ELL: variants seen among roughly 807,000 people sequenced by gnomAD.
ELL encodes the protein elongation factor for RNA polymerase II.
In ELL, 18 loss-of-function variants were observed where a neutral mutation model predicts 64.0. The ratio of observed to expected loss-of-function variants is 0.28; its 90% CI spans 0.19 to 0.42. The LOEUF is 0.42. ELL is among the 10% of genes least tolerant of loss of function. The pLI, the probability that ELL is intolerant of heterozygous loss-of-function variation, is 1.00. For synonymous variants in ELL, 399 were observed against 376.2 expected (o/e 1.06, Z -0.70); for missense variants, 797 against 870.4 (o/e 0.92, Z 1.06).
intron 6 of ELL, among the ~76,000 whole-genome samples, chr19:18,453,167 G>A (rs1480101567): frequency 1.3e-5 from 2 of 152,322 alleles, no homozygotes; most frequent in Non-Finnish European, 1.5e-5. Flanking sequence ...TCAATTACTT[G>A]GGAGGCTGAA....
chr19:18,445,418 C>T (rs908038475), intron 10 of ELL, 150 bp from the exon 11 acceptor site: 10 of 803,316 alleles, frequency 1.2e-5, no homozygotes, highest in African/African-American at 3.4e-5. Flanking sequence ...GGGCCCACAG[C>T]GGCTGTAGCT....
chr19:18,458,005 C>G (rs1974718693), intron 6 of ELL, among the ~76,000 whole-genome samples, 200 bp downstream of exon 6: 1 of 152,160 alleles, frequency 6.6e-6, no homozygotes, highest in Non-Finnish European at 1.5e-5. Context: ...GTGAGCGTGG[C>G]CTTCCCCCAC....
At chr19:18,500,424 A>G (rs1036025211) in intron 1 of ELL, among the ~76,000 whole-genome samples, 13 of 152,082 alleles carry the variant, frequency 8.5e-5, no homozygotes, top group Non-Finnish European at 1.9e-4. Context: ...CACTTCTCCT[A>G]CCACCTTCAC....
intron 1 of ELL, among the ~76,000 whole-genome samples, chr19:18,509,140 G>A (rs919617783): frequency 6.6e-6 from 1 of 152,034 alleles, no homozygotes; most frequent in Non-Finnish European, 1.5e-5. Context: ...GAGTAGCCGT[G>A]AGCAGGAGGC....
chr19:18,461,591 C>T lies in ELL; in HGVS notation c.731G>A (p.Gly244Asp), dbSNP rs1178508655. The T allele has an allele frequency of 1.2e-6, 2 of 1,600,476 alleles. No homozygotes were observed. Among genetic ancestry groups the T allele is most frequent in the Non-Finnish European group, 1.7e-6 (2 of 1,177,336 alleles). ...LTQADKDALD[G>D]LLQQVANMSA... Reference sequence around the variant, plus strand: ...GGCGGCACCCACCTGCTGGAGGAGGCCATCCAGCGCGTCCTTGTCCGCCTG... The same window carrying T: ...GGCGGCACCCACCTGCTGGAGGAGGTCATCCAGCGCGTCCTTGTCCGCCTG... The change falls in exon 5 of 12, where the codon GGC becomes GAC. Residue 244 changes from glycine (G) to aspartate (D), a missense_variant. By Grantham distance (94) the Gly-to-Asp change is moderately conservative. Transcript: ENST00000262809.
At chr19:18,505,948 T>C (rs1975877367) in intron 1 of ELL, among the ~76,000 whole-genome samples, 1 of 152,154 alleles carries the variant, frequency 6.6e-6, no homozygotes, top group African/African-American at 2.4e-5. Flanking sequence ...TGTGTCCTGC[T>C]CTGTACTACA....
chr19:18,451,546 A>C lies in ELL; in HGVS notation c.966+6T>G, dbSNP rs1974537057. On this transcript the variant is annotated splice_donor_region_variant and intron_variant, in intron 7 of 11. Transcript: ENST00000262809. ...GGGACAGTCACCCCAGGCATGCCTC[A>C]CTTACCTGTGGGGGCGAGGCCGAGC... 4 of 1,479,964 alleles carry C rather than the reference A, an allele frequency of 2.7e-6. No homozygotes were observed. Among genetic ancestry groups the C allele is most frequent in the East Asian group, 2.7e-5 (1 of 36,504 alleles). The allele number at this position is 1,479,964 out of a possible 1,614,324, so 91.7% of individuals were successfully genotyped here.
chr19:18,460,626 GCA>G (rs1974787569), intron 5 of ELL, among the ~76,000 whole-genome samples: 1 of 152,234 alleles, frequency 6.6e-6, no homozygotes, highest in Admixed American at 6.5e-5. Context: ...CACCAGCCGC[GCA>G]CCCGAGAGGG....
chr19:18,488,055 G>A (rs992513114), intron 1 of ELL, among the ~76,000 whole-genome samples: 4 of 152,204 alleles, frequency 2.6e-5, no homozygotes, highest in Non-Finnish European at 5.9e-5. Context: ...CCTCAGCAGT[G>A]TGGTATGGTG....
rs767937201 is a variant in ELL, at chr19:18,444,837, C to T, written c.1781G>A (p.Arg594His). The change falls in exon 12 of 12, where the codon CGC (arginine) becomes CAC (histidine). Residue 594 changes from arginine to histidine, a missense_variant. Arg to His is a conservative substitution (Grantham distance 29). Coordinates refer to ENST00000262809, the MANE Select transcript of ELL (RefSeq NM_006532.4). ...TNTNYSQEKHRCEYLHSKLAH... is the reference protein window; with the variant it reads ...TNTNYSQEKHHCEYLHSKLAH... Reference sequence around the variant, plus strand: ...CAGCTTGCTGTGCAGGTACTCGCAGCGGTGCTTCTCCTGGCTGTAGTTGGT... The same window carrying T: ...CAGCTTGCTGTGCAGGTACTCGCAGTGGTGCTTCTCCTGGCTGTAGTTGGT... The T allele has an allele frequency of 1.2e-6, 2 of 1,612,108 alleles. No homozygotes were observed. Among genetic ancestry groups the T allele is most frequent in the East Asian group, 2.2e-5 (1 of 44,884 alleles).
intron 3 of ELL, 94 bp from the exon 4 acceptor site, chr19:18,465,669 G>A: frequency 1.3e-6 from 2 of 1,484,302 alleles, no homozygotes; most frequent in Non-Finnish European, 1.8e-6. Context: ...ACCTGGCCTG[G>A]AAAATGGACT....
At chr19:18,505,642 T>C (rs1343054402) in intron 1 of ELL, among the ~76,000 whole-genome samples, 1 of 152,142 alleles carries the variant, frequency 6.6e-6, no homozygotes, top group African/African-American at 2.4e-5. Flanking sequence ...AGTGTGTGAC[T>C]GGCGCCTTGC....
At chr19:18,454,895 A>T (rs1258979419) in intron 6 of ELL, among the ~76,000 whole-genome samples, 2 of 149,116 alleles carry the variant, frequency 1.3e-5, no homozygotes, top group African/African-American at 2.5e-5. Context: ...ACACCTGTAA[A>T]CCCAGCACTT....
chr19:18,466,209 C>T (rs966833755), intron 2 of ELL, among the ~76,000 whole-genome samples: 1 of 152,154 alleles, frequency 6.6e-6, no homozygotes. Context: ...AGCACCTGCC[C>T]AGATGCAGGG....
intron 1 of ELL, among the ~76,000 whole-genome samples, chr19:18,513,728 G>T (rs1976074819): frequency 6.6e-6 from 1 of 152,090 alleles, no homozygotes; most frequent in Non-Finnish European, 1.5e-5. Context: ...TCAGGAGATG[G>T]AGACCATCCT....
intron 1 of ELL, among the ~76,000 whole-genome samples, chr19:18,495,558 G>GGT (rs1468256415): frequency 6.6e-6 from 1 of 152,164 alleles, no homozygotes; most frequent in African/African-American, 2.4e-5. Context: ...CCCGCATGAG[G>GGT]GTGCCCAGCT....
At chr19:18,462,636 C>T (rs1047193096) in intron 4 of ELL, among the ~76,000 whole-genome samples, 3 of 152,070 alleles carry the variant, frequency 2.0e-5, no homozygotes, top group Non-Finnish European at 4.4e-5. Flanking sequence ...CCCACCTCAG[C>T]TTTCCAAAGT....
intron 6 of ELL, among the ~76,000 whole-genome samples, chr19:18,452,615 G>A (rs1974563536): frequency 2.6e-5 from 4 of 152,204 alleles, no homozygotes; most frequent in South Asian, 2.1e-4. Context: ...CGACCTCAGG[G>A]GACAACAGAC....
chr19:18,498,957 C>A (rs1279563751), intron 1 of ELL, among the ~76,000 whole-genome samples: 1 of 78,682 alleles, frequency 1.3e-5, no homozygotes, highest in African/African-American at 9.3e-5. Flanking sequence ...CTCCAAAAAA[C>A]AACAACAACA....
Sources: allele counts gnomAD v4.1 joint callset (sites outside exome capture counted in the v4.1 genomes callset), GRCh38; gene constraint gnomAD v4.1.1; transcripts MANE v1.5; gene names NCBI Gene and HGNC (gene_info 2026-07-23, HGNC 2026-07-21).